GRIP1: variants seen among roughly 807,000 people sequenced by gnomAD.
The protein encoded by GRIP1 is glutamate receptor interacting protein 1.
Under a neutral mutation model 129.9 loss-of-function variants are expected in GRIP1, and 45 were observed. The ratio of observed to expected loss-of-function variants is 0.35; its 90% CI spans 0.27 to 0.44. GRIP1 has a LOEUF of 0.44. Ranked by LOEUF, GRIP1 falls within the 20% of genes least tolerant of loss-of-function variation. The pLI is 1.00. For synonymous variants in GRIP1, 530 were observed against 520.8 expected (o/e 1.02, Z -0.24); for missense variants, 1,196 against 1,396.8 (o/e 0.86, Z 2.29).
intron 11 of GRIP1, among the ~76,000 whole-genome samples, chr12:66,454,956 A>G (rs1481215395): frequency 6.6e-6 from 1 of 152,200 alleles, no homozygotes; most frequent in Non-Finnish European, 1.5e-5. Context: ...AAAATTTATG[A>G]CAACATTAAA....
In GRIP1 at chr12:66,724,442, G is replaced by A. The variant is rs78235198; in HGVS notation, c.-420+79611C>T. Among the ~76,000 whole-genome samples the A allele has an allele frequency of 1.7e-3, 265 of 152,220 alleles. 3 individuals carry two copies. The East Asian group carries it at 0.047, about 27-fold the overall frequency. On this transcript the variant is annotated intron_variant, in intron 1 of 4. Transcript: ENST00000538373. The stretch of plus-strand genomic sequence containing the variant: ...GGCACAGGAAATTTCACTGTATCAC[G>A]GTTCCTTATTTCATCAAATACATCA...
At chr12:66,948,396 T>C (rs1475883171) in intron 1 of GRIP1, among the ~76,000 whole-genome samples, 2 of 152,194 alleles carry the variant, frequency 1.3e-5, no homozygotes, top group East Asian at 1.9e-4. Context: ...ATTCTTGACA[T>C]GGAAATTTAT....
At chr12:67,065,549 A>G (rs1158297701) in intron 1 of GRIP1, among the ~76,000 whole-genome samples, 1 of 152,234 alleles carries the variant, frequency 6.6e-6, no homozygotes, top group African/African-American at 2.4e-5. Context: ...TAAATATAAA[A>G]GCAAAGGAAA....
intron 1 of GRIP1, among the ~76,000 whole-genome samples, chr12:66,734,216 T>G (rs540596164): frequency 3.3e-5 from 5 of 152,202 alleles, no homozygotes; most frequent in Non-Finnish European, 7.3e-5. Flanking sequence ...TTTTACAACC[T>G]TATTTTCCAG....
At position 66,438,087 on chromosome 12, in the gene GRIP1, T is replaced by C. The variant is rs187571085; in HGVS notation, c.1688-5459A>G. Among the ~76,000 whole-genome samples the C allele has an allele frequency of 1.2e-3, 189 of 152,340 alleles. 3 individuals carry two copies. The highest frequency in any genetic ancestry group is 4.3e-3 in the African/African-American group (177 of 41,568). On this transcript the variant is annotated intron_variant, in intron 13 of 24. Transcript: ENST00000359742. ...AACCATTAATGTTGTGTTATTGTAGTTATTGTACATTCTGGGGTTGCTGGA... is the reference window on the plus strand; with the variant it reads ...AACCATTAATGTTGTGTTATTGTAGCTATTGTACATTCTGGGGTTGCTGGA...
At chr12:66,894,411 T>G (rs905350896) in intron 1 of GRIP1, among the ~76,000 whole-genome samples, 1 of 152,220 alleles carries the variant, frequency 6.6e-6, no homozygotes, top group Admixed American at 6.5e-5. Flanking sequence ...AGTCAGTTGG[T>G]TGTCCTACAA....
intron 1 of GRIP1, among the ~76,000 whole-genome samples, chr12:66,722,824 GAAGAT>G (rs1565987331): frequency 6.6e-6 from 1 of 152,212 alleles, no homozygotes; most frequent in East Asian, 1.9e-4. Context: ...TAAATGATAT[GAAGAT>G]AATACACTAA....
intron 1 of GRIP1, among the ~76,000 whole-genome samples, chr12:66,711,839 G>T (rs375130292): frequency 1.9e-4 from 29 of 151,966 alleles, no homozygotes; most frequent in African/African-American, 6.0e-4. Context: ...ACAATTACTT[G>T]CCAAGCTGCG....
intron 1 of GRIP1, among the ~76,000 whole-genome samples, chr12:66,657,549 A>G (rs1286498457): frequency 6.6e-6 from 1 of 152,232 alleles, no homozygotes. Flanking sequence ...TTACATTAAC[A>G]GAAGTTTATT....
intron 1 of GRIP1, among the ~76,000 whole-genome samples, chr12:66,906,646 C>T (rs1369834810): frequency 6.6e-6 from 1 of 152,064 alleles, no homozygotes; most frequent in Non-Finnish European, 1.5e-5. Flanking sequence ...CAAGCTGTTG[C>T]TAGGTAAGAC....
At chr12:66,877,117 A>G (rs991723361) in intron 1 of GRIP1, among the ~76,000 whole-genome samples, 4 of 152,056 alleles carry the variant, frequency 2.6e-5, no homozygotes, top group Non-Finnish European at 5.9e-5. Context: ...TAGCATTGAT[A>G]TAAGGTCAAT....
intron 1 of GRIP1, among the ~76,000 whole-genome samples, chr12:66,951,755 T>C (rs541823527): frequency 6.6e-6 from 1 of 152,082 alleles, no homozygotes; most frequent in Non-Finnish European, 1.5e-5. Flanking sequence ...GAGAAGAGAC[T>C]TGGACAGATT....
At chr12:67,051,379 T>C (rs1212753596) in intron 1 of GRIP1, among the ~76,000 whole-genome samples, 1 of 152,166 alleles carries the variant, frequency 6.6e-6, no homozygotes, top group South Asian at 2.1e-4. Flanking sequence ...AAGTTTTACA[T>C]GAAGACTTGA....
intron 1 of GRIP1, among the ~76,000 whole-genome samples, chr12:66,974,857 C>T (rs759339224): frequency 7.9e-5 from 12 of 152,112 alleles, no homozygotes; most frequent in Non-Finnish European, 1.8e-4. Context: ...TAAAAGGGAT[C>T]CTCGAAATGT....
intron 15 of GRIP1, among the ~76,000 whole-genome samples, chr12:66,415,887 T>C (rs771762899): frequency 6.6e-6 from 1 of 151,906 alleles, no homozygotes; most frequent in African/African-American, 2.4e-5. Flanking sequence ...CATGGACACA[T>C]TGGAAACAAC....
chr12:66,965,117 A>G (rs2041976596), intron 1 of GRIP1, among the ~76,000 whole-genome samples: 1 of 152,122 alleles, frequency 6.6e-6, no homozygotes, highest in African/African-American at 2.4e-5. Context: ...GGCACAAGTC[A>G]GTCCCTAATA....
At chr12:67,034,425 A>T (rs963086064) in intron 1 of GRIP1, among the ~76,000 whole-genome samples, 2 of 152,212 alleles carry the variant, frequency 1.3e-5, no homozygotes, top group Non-Finnish European at 2.9e-5. Flanking sequence ...CCTGCTACAC[A>T]CCTAGGCTAC....
chr12:66,761,269 C>T (rs1416477713), intron 1 of GRIP1, among the ~76,000 whole-genome samples: 1 of 152,076 alleles, frequency 6.6e-6, no homozygotes, highest in East Asian at 1.9e-4. Context: ...CACGGATTCT[C>T]CCTTGTGTCT....
At chr12:66,620,773 C>G (rs1312836921) in intron 1 of GRIP1, among the ~76,000 whole-genome samples, 1 of 151,950 alleles carries the variant, frequency 6.6e-6, no homozygotes, top group Non-Finnish European at 1.5e-5. Context: ...ACCCCTCACC[C>G]CCCCAACCCC....
Sources: gnomAD v4.1 joint callset for allele counts (sites outside exome capture counted in the v4.1 genomes callset) on GRCh38, gnomAD v4.1.1 for gene constraint, MANE v1.5 for transcripts, NCBI Gene and HGNC (gene_info 2026-07-23, HGNC 2026-07-21) for gene names.